The following ST6GALNAC3 variants were observed in gnomAD, a reference collection of about 807,000 sequenced individuals.
The protein encoded by ST6GALNAC3 is ST6 N-acetylgalactosaminide alpha-2,6-sialyltransferase 3, also known as alpha-N-acetylgalactosaminide alpha-2,6-sialyltransferase 3.
ST6GALNAC3 carries 25 observed loss-of-function variants against 32.7 expected under a neutral mutation model. The observed-to-expected ratio is 0.76, with a 90% confidence interval of 0.56 to 1.07. The LOEUF (loss-of-function observed/expected upper bound fraction) is 1.07, where lower values mean the gene tolerates loss of function less well. ST6GALNAC3 is among the 50% of genes least tolerant of loss of function. The pLI, the probability that ST6GALNAC3 is intolerant of heterozygous loss-of-function variation, is 0.00. For missense variants in ST6GALNAC3, 355 were observed against 382.4 expected, an observed-to-expected ratio of 0.93 and a Z score of 0.60; for synonymous variants, 129 against 133.1, an observed-to-expected ratio of 0.97 and a Z score of 0.21.
At chr1:76,517,234 T>C (rs1354535797) in intron 3 of ST6GALNAC3, among the ~76,000 whole-genome samples, 1 of 151,908 alleles carries the variant, frequency 6.6e-6, no homozygotes, top group Admixed American at 6.6e-5. Flanking sequence ...TATTGTTTTA[T>C]ATGTTCAAGG....
chr1:76,581,555 C>T (rs1646892167), intron 3 of ST6GALNAC3, among the ~76,000 whole-genome samples: 2 of 152,006 alleles, frequency 1.3e-5, no homozygotes, highest in African/African-American at 2.4e-5. Context: ...TTCCTTAAAC[C>T]AATAGTCTAC....
intron 3 of ST6GALNAC3, among the ~76,000 whole-genome samples, chr1:76,538,618 A>C (rs989655892): frequency 6.6e-6 from 1 of 152,130 alleles, no homozygotes; most frequent in Non-Finnish European, 1.5e-5. Context: ...TATTTAGAAA[A>C]CCCCATCATA....
intron 1 of ST6GALNAC3, among the ~76,000 whole-genome samples, chr1:76,278,223 CTTTT>C (rs568694243): frequency 8.8e-6 from 1 of 113,760 alleles, no homozygotes. Flanking sequence ...GCTAGGCATT[CTTTT>C]TTTTTTTTTT....
chr1:76,203,434 A>G (rs1654644078), intron 1 of ST6GALNAC3, among the ~76,000 whole-genome samples: 1 of 152,192 alleles, frequency 6.6e-6, no homozygotes. Context: ...TCTCCAGATG[A>G]TTCTGTTGCA....
chr1:76,571,584 A>G (rs950345691), intron 3 of ST6GALNAC3, among the ~76,000 whole-genome samples: 1 of 152,140 alleles, frequency 6.6e-6, no homozygotes, highest in East Asian at 1.9e-4. Context: ...AGTATTTACT[A>G]TCTTATATTA....
At chr1:76,118,453 A>G (rs1190004547) in intron 1 of ST6GALNAC3, among the ~76,000 whole-genome samples, 1 of 152,238 alleles carries the variant, frequency 6.6e-6, no homozygotes, top group African/African-American at 2.4e-5. Flanking sequence ...AATCCCTGAC[A>G]TAAACTGACC....
At chr1:76,163,156 A>G (rs1021173889) in intron 1 of ST6GALNAC3, among the ~76,000 whole-genome samples, 5 of 152,114 alleles carry the variant, frequency 3.3e-5, no homozygotes, top group South Asian at 2.1e-4. Flanking sequence ...ATTCCAATCT[A>G]CTCTAAAACC....
intron 1 of ST6GALNAC3, among the ~76,000 whole-genome samples, chr1:76,239,412 T>G (rs1249957651): frequency 6.6e-6 from 1 of 152,060 alleles, no homozygotes; most frequent in East Asian, 1.9e-4. Flanking sequence ...AAAAAAAGTT[T>G]TATTTTGGCT....
intron 3 of ST6GALNAC3, among the ~76,000 whole-genome samples, chr1:76,492,384 A>T (rs1660555378): frequency 6.6e-6 from 1 of 152,170 alleles, no homozygotes; most frequent in Non-Finnish European, 1.5e-5. Flanking sequence ...TAAAAAAGAA[A>T]CAAAAAAAGA....
intron 1 of ST6GALNAC3, among the ~76,000 whole-genome samples, chr1:76,126,472 C>A: frequency 6.7e-6 from 1 of 149,538 alleles, no homozygotes; most frequent in South Asian, 2.2e-4. Flanking sequence ...GTCTCGCTCT[C>A]TTTCATGACG....
intron 3 of ST6GALNAC3, among the ~76,000 whole-genome samples, chr1:76,627,129 T>C (rs183841027): frequency 6.6e-6 from 1 of 151,900 alleles, no homozygotes. Context: ...CTAATTTGTG[T>C]CTTATGGAAA....
chr1:76,424,251 A>C (rs1332265179), intron 3 of ST6GALNAC3, among the ~76,000 whole-genome samples: 1 of 151,918 alleles, frequency 6.6e-6, no homozygotes, highest in African/African-American at 2.4e-5. Context: ...CTCATTACTC[A>C]TCTGACAGCT....
rs137958864 is a variant in ST6GALNAC3, at chr1:76,509,984, TA to T, written c.623+97569del. Among the ~76,000 whole-genome samples the T allele has an allele frequency of 1.4e-3, 213 of 152,282 alleles. 1 individual carries two copies. The highest frequency in any genetic ancestry group is 2.3e-3 in the Non-Finnish European group (158 of 68,012). On this transcript the variant is annotated intron_variant, in intron 3 of 4. Coordinates refer to ENST00000328299, the MANE Select transcript of ST6GALNAC3 (RefSeq NM_152996.4). The surrounding 1 kb of genome is among the most constrained non-coding windows in gnomAD (Gnocchi z 5.5). ...ATCTTTAGGGAGCTATTATTCTATCTAACACAGGGAAAAAAAGGATTTTCTC... is the reference window on the plus strand; with the variant it reads ...ATCTTTAGGGAGCTATTATTCTATCTACACAGGGAAAAAAAGGATTTTCTC...
intron 3 of ST6GALNAC3, among the ~76,000 whole-genome samples, chr1:76,454,082 G>A (rs1230950681): frequency 6.6e-6 from 1 of 152,028 alleles, no homozygotes; most frequent in Non-Finnish European, 1.5e-5. Flanking sequence ...TGTTTTGTCT[G>A]ATGTAAGAGT....
At chr1:76,278,252 GCT>G (rs953438536) in intron 1 of ST6GALNAC3, among the ~76,000 whole-genome samples, 1 of 104,796 alleles carries the variant, frequency 9.5e-6, no homozygotes, top group African/African-American at 7.1e-5. Context: ...ATGGAGTCTC[GCT>G]CTGTCATCCC....
Position 76,412,019 on chromosome 1 carries a change from G to A in ST6GALNAC3, c.225G>A (p.Leu75=), listed in dbSNP as rs757669713. 1 of 1,612,440 alleles carries A rather than the reference G, an allele frequency of 6.2e-7. No individual in the cohort carries two copies. The highest frequency in any genetic ancestry group is 8.5e-7 in the Non-Finnish European group (1 of 1,178,990). ...INVKTQEPLQ[L]DCDLCAIVSN... ...TCTCTATTTTTCAGCCTTTGCAACT[G>A]GACTGTGACCTTTGTGCCATAGTGT... Residue 75 remains leucine, a synonymous_variant, in exon 3 of 5, where the codon CTG becomes CTA. Transcript: ENST00000328299.
intron 1 of ST6GALNAC3, among the ~76,000 whole-genome samples, chr1:76,159,908 C>G (rs1651709038): frequency 6.6e-6 from 1 of 152,112 alleles, no homozygotes; most frequent in African/African-American, 2.4e-5. Context: ...AAACTAAGCA[C>G]AGAGATGTTA....
intron 3 of ST6GALNAC3, among the ~76,000 whole-genome samples, chr1:76,614,866 C>A (rs1317382722): frequency 6.6e-6 from 1 of 151,304 alleles, no homozygotes; most frequent in East Asian, 1.9e-4. Flanking sequence ...GAATGGGAAG[C>A]AATGCCTCTA....
In ST6GALNAC3 at chr1:76,630,546, G is replaced by A; in HGVS notation, c.*1740G>A. ...GAATGATTCAAAAGACAAAAGCCAG[G>A]CTCAACTTATAGAATGTTTTGGAAA... is the stretch of plus-strand genomic sequence containing the variant. On this transcript the variant is annotated 3_prime_UTR_variant, in exon 5 of 5. Transcript: ENST00000328299. 3.0e-6 allele frequency: 3 copies of A among 985,266 alleles called. No individual in the cohort carries two copies. Among genetic ancestry groups the A allele is most frequent in the Non-Finnish European group, 3.6e-6 (3 of 829,842 alleles). 61.0% of individuals were successfully genotyped at this position (985,266 alleles called of 1,614,324 possible).
Sources: gnomAD v4.1 joint callset for allele counts (sites outside exome capture counted in the v4.1 genomes callset) on GRCh38, gnomAD v4.1.1 for gene constraint, Gnocchi (gnomAD v3.1) non-coding constraint, MANE v1.5 for transcripts, NCBI Gene and HGNC (gene_info 2026-07-23, HGNC 2026-07-21) for gene names.